C1orf21: variants seen among roughly 807,000 people sequenced by gnomAD.
C1orf21 encodes chromosome 1 open reading frame 21, also known as uncharacterized protein C1orf21.
In C1orf21, 3 loss-of-function variants were observed where a neutral mutation model predicts 18.7. The ratio of observed to expected loss-of-function variants is 0.16; its 90% CI spans 0.07 to 0.42. The LOEUF is 0.42. Among genes scored for constraint, C1orf21 ranks in the 10% least tolerant of loss-of-function variants. The pLI is 0.99. For missense variants in C1orf21, 104 were observed against 143.6 expected, an observed-to-expected ratio of 0.72 and a Z score of 1.41; for synonymous variants, 41 against 46.4, an observed-to-expected ratio of 0.88 and a Z score of 0.47.
chr1:184,477,474 G>T lies in C1orf21; in HGVS notation c.-36G>T, dbSNP rs776959307. On this transcript the variant is annotated 5_prime_UTR_variant, in exon 2 of 6. Coordinates refer to ENST00000235307, the MANE Select transcript of C1orf21 (RefSeq NM_030806.4). ...GTCCCTGTGTCTGTAGAGATGATTT[G>T]CAGTTCAGCCCGGCTGAAGCTGACC... 1 of 1,555,790 alleles carries T rather than the reference G, an allele frequency of 6.4e-7. No homozygotes were observed. The highest frequency in any genetic ancestry group is 8.8e-7 in the Non-Finnish European group (1 of 1,133,500).
At chr1:184,456,954 G>A (rs765391480) in intron 1 of C1orf21, among the ~76,000 whole-genome samples, 3 of 152,164 alleles carry the variant, frequency 2.0e-5, no homozygotes, top group Non-Finnish European at 2.9e-5. Flanking sequence ...TGAATAAATG[G>A]TTTGAGCATT....
At chr1:184,532,950 C>T (rs1366925026) in intron 3 of C1orf21, among the ~76,000 whole-genome samples, 1 of 152,178 alleles carries the variant, frequency 6.6e-6, no homozygotes, top group Non-Finnish European at 1.5e-5. Flanking sequence ...ATGACTTCTT[C>T]CTGTCACCTT....
chr1:184,510,689 C>G (rs937647396), intron 3 of C1orf21, among the ~76,000 whole-genome samples: 3 of 152,172 alleles, frequency 2.0e-5, no homozygotes, highest in African/African-American at 7.2e-5. Context: ...AGATTAGAAT[C>G]AAAACCCAGA....
intron 3 of C1orf21, among the ~76,000 whole-genome samples, chr1:184,541,508 T>A (rs1571406288): frequency 6.6e-6 from 1 of 152,188 alleles, no homozygotes; most frequent in East Asian, 1.9e-4. Flanking sequence ...AAGTGGCCTG[T>A]CTGGATGTCT....
chr1:184,505,350 C>T (rs1468954478), intron 2 of C1orf21, among the ~76,000 whole-genome samples: 1 of 85,472 alleles, frequency 1.2e-5, no homozygotes, highest in Non-Finnish European at 2.4e-5. Context: ...TACACACATG[C>T]CATATATATA....
rs189262464 is a variant in C1orf21, at chr1:184,458,180, G to A, written c.-124-19206G>A. Among the ~76,000 whole-genome samples, 235 of 152,236 alleles carry A rather than the reference G, an allele frequency of 1.5e-3. 5 individuals carry two copies. In the East Asian group the frequency reaches 0.032, roughly 21 times the overall value. ...TAAGTGTCCTGTGCTAAGTGTGGGG[G>A]ATACGTGACTAAGGGGACTCCCTTC... On this transcript the variant is annotated intron_variant, in intron 1 of 5. Coordinates refer to ENST00000235307, the MANE Select transcript of C1orf21 (RefSeq NM_030806.4).
intron 4 of C1orf21, among the ~76,000 whole-genome samples, chr1:184,592,729 A>T (rs1487152656): frequency 6.6e-6 from 1 of 152,184 alleles, no homozygotes; most frequent in African/African-American, 2.4e-5. Context: ...CTTCCAGAAA[A>T]TTGTGACAAA....
At chr1:184,488,488 A>T (rs1245942711) in intron 2 of C1orf21, among the ~76,000 whole-genome samples, 2 of 152,234 alleles carry the variant, frequency 1.3e-5, no homozygotes, top group Non-Finnish European at 2.9e-5. Flanking sequence ...TTGTAATGGG[A>T]TAAATGCATC....
intron 1 of C1orf21, among the ~76,000 whole-genome samples, chr1:184,402,189 C>T (rs1303437312): frequency 2.6e-5 from 4 of 152,166 alleles, no homozygotes; most frequent in Non-Finnish European, 5.9e-5. Context: ...TCAGTAGCCA[C>T]ATATGGTTAA....
chr1:184,584,437 G>A (rs1358309781), intron 3 of C1orf21, among the ~76,000 whole-genome samples: 2 of 152,150 alleles, frequency 1.3e-5, no homozygotes, highest in African/African-American at 4.8e-5. Flanking sequence ...TGGTGCAGAT[G>A]TGGAGAAACT....
At chr1:184,471,943 T>G (rs1571374312) in intron 1 of C1orf21, among the ~76,000 whole-genome samples, 1 of 152,116 alleles carries the variant, frequency 6.6e-6, no homozygotes, top group African/African-American at 2.4e-5. Context: ...ATGTGACATC[T>G]CTTTATGTAT....
At chr1:184,447,283 T>A (rs1230715657) in intron 1 of C1orf21, among the ~76,000 whole-genome samples, 1 of 152,218 alleles carries the variant, frequency 6.6e-6, no homozygotes, top group Admixed American at 6.5e-5. Flanking sequence ...TATAGCGCTT[T>A]GTCTGCATAT....
chr1:184,388,531 C>T (rs1655922262), intron 1 of C1orf21, among the ~76,000 whole-genome samples: 1 of 152,134 alleles, frequency 6.6e-6, no homozygotes, highest in Non-Finnish European at 1.5e-5. Context: ...ACACCCTGGG[C>T]ACCCAGAACC....
chr1:184,598,384 T>C lies in C1orf21; in HGVS notation c.267-17T>C, dbSNP rs1659545568. ...CAAAGCACTAAAATATGCACTTAAC[T>C]ACCCTTTGTTTTTCAGCATGCACAT... On this transcript the variant is annotated splice_polypyrimidine_tract_variant and intron_variant, in intron 4 of 5. Transcript: ENST00000235307. 6.2e-7 allele frequency: 1 copy of C among 1,612,476 alleles called. No individual in the cohort carries two copies. Among genetic ancestry groups the C allele is most frequent in the Non-Finnish European group, 8.5e-7 (1 of 1,179,498 alleles).
intron 3 of C1orf21, among the ~76,000 whole-genome samples, chr1:184,563,751 G>A (rs962070884): frequency 1.3e-5 from 2 of 152,212 alleles, no homozygotes; most frequent in African/African-American, 4.8e-5. Flanking sequence ...GCTGGTTCGA[G>A]GAGATTTCTG....
intron 3 of C1orf21, among the ~76,000 whole-genome samples, chr1:184,556,651 A>G (rs1309904148): frequency 6.6e-6 from 1 of 152,230 alleles, no homozygotes; most frequent in Non-Finnish European, 1.5e-5. Context: ...TTTTGGAACT[A>G]TTCCACATGT....
chr1:184,595,711 C>A (rs2102001239), intron 4 of C1orf21, among the ~76,000 whole-genome samples: 1 of 152,284 alleles, frequency 6.6e-6, no homozygotes, highest in East Asian at 1.9e-4. Context: ...GCTCCCCCGG[C>A]AATGTCTGAC....
chr1:184,579,885 C>G (rs145936261), intron 3 of C1orf21, among the ~76,000 whole-genome samples: 1,807 of 152,176 alleles, frequency 0.012, 41 homozygotes, highest in African/African-American at 0.042. Context: ...TCAGAAGGAG[C>G]CAAATCAGGA....
rs771711915 is a variant in C1orf21 at position 184,519,123 on chromosome 1, C to CCT, written c.189+11444_189+11445dup. ...GTAACGACAGAATAAATAGAACAGA[C>CCT]CTCTGCTGGTCTAATTTAAAGATTG... On this transcript the variant is annotated intron_variant, in intron 3 of 5. Transcript: ENST00000235307. 1.4e-4 allele frequency among the ~76,000 whole-genome samples: 22 copies of CCT among 152,242 alleles called. No homozygotes were observed. In the East Asian group the frequency reaches 2.5e-3, roughly 17 times the overall value.
Sources: allele counts gnomAD v4.1 joint callset (sites outside exome capture counted in the v4.1 genomes callset), GRCh38; gene constraint gnomAD v4.1.1; transcripts MANE v1.5; gene names NCBI Gene and HGNC (gene_info 2026-07-23, HGNC 2026-07-21).